The following RAPGEF5 variants were observed in gnomAD, a reference collection of about 807,000 sequenced individuals.
RAPGEF5 encodes M-Ras-regulated GEF.
A neutral mutation model predicts 125.2 loss-of-function variants in RAPGEF5; 65 were observed. That is an observed-to-expected ratio of 0.52 (90% CI 0.43 to 0.64). RAPGEF5 has a LOEUF of 0.64. Among genes scored for constraint, RAPGEF5 ranks in the 30% least tolerant of loss-of-function variants. The pLI is 0.00. For synonymous variants in RAPGEF5, 391 were observed against 385.9 expected (o/e 1.01, Z -0.16); for missense variants, 958 against 1,048.1 (o/e 0.91, Z 1.19).
intron 11 of RAPGEF5, among the ~76,000 whole-genome samples, chr7:22,172,280 G>C (rs918972893): frequency 1.3e-5 from 2 of 151,880 alleles, no homozygotes; most frequent in Non-Finnish European, 2.9e-5. Flanking sequence ...ACACCACCAT[G>C]CCCGGCTAAT....
chr7:22,192,585 C>G (rs1301502456), intron 11 of RAPGEF5: 1 of 152,204 alleles, frequency 6.6e-6, no homozygotes, highest in East Asian at 1.9e-4. Context: ...AGGCTACAGT[C>G]AGAGGCCTAT....
chr7:22,286,131 G>A (rs902802015), intron 6 of RAPGEF5, among the ~76,000 whole-genome samples: 2 of 152,126 alleles, frequency 1.3e-5, no homozygotes, highest in African/African-American at 4.8e-5. Flanking sequence ...TGGATAACGC[G>A]TCTGACTACG....
chr7:22,351,721 T>C (rs1221036506), intron 1 of RAPGEF5, among the ~76,000 whole-genome samples: 2 of 152,230 alleles, frequency 1.3e-5, no homozygotes, highest in African/African-American at 2.4e-5. Flanking sequence ...ATAAATGACA[T>C]GCTTTGCCTG....
intron 9 of RAPGEF5, among the ~76,000 whole-genome samples, chr7:22,199,532 A>AG (rs1491447062): frequency 3.4e-4 from 1 of 2,942 alleles, no homozygotes. Context: ...CTTAAAATTG[A>AG]AAAAAAAAAA....
At chr7:22,317,908 A>T (rs1200590909) in intron 2 of RAPGEF5, 79 bp downstream of exon 2, 1 of 1,530,618 alleles carries the variant, frequency 6.5e-7, no homozygotes, top group Admixed American at 2.1e-5. Context: ...CAAAGGGAAC[A>T]ACTGTAACTT....
At chr7:22,225,330 A>G (rs1241567901) in intron 8 of RAPGEF5, among the ~76,000 whole-genome samples, 1 of 152,194 alleles carries the variant, frequency 6.6e-6, no homozygotes, top group African/African-American at 2.4e-5. Flanking sequence ...TTAATTCTCC[A>G]TCTTATAATT....
chr7:22,215,077 A>C (rs1482821631), intron 9 of RAPGEF5, among the ~76,000 whole-genome samples: 1 of 152,180 alleles, frequency 6.6e-6, no homozygotes, highest in African/African-American at 2.4e-5. Context: ...GCAGGCAAAC[A>C]AATGCTGAGT....
At chr7:22,271,635 T>A (rs1490801506) in intron 6 of RAPGEF5, among the ~76,000 whole-genome samples, 2 of 152,218 alleles carry the variant, frequency 1.3e-5, no homozygotes, top group African/African-American at 2.4e-5. Flanking sequence ...ACAGTTATAT[T>A]TGGCCTTGTA....
chr7:22,230,517 C>T lies in RAPGEF5; in HGVS notation c.870+329G>A, dbSNP rs1287160393. On this transcript the variant is annotated intron_variant, in intron 8 of 25. Coordinates refer to ENST00000665637, the MANE Select transcript of RAPGEF5 (RefSeq NM_012294.5). ...TTAGCTACTGGGAGGTAGCACAGAACCTCTAGCAAGTTGGTGCTGTCAGCT... is the reference window on the plus strand; with the variant it reads ...TTAGCTACTGGGAGGTAGCACAGAATCTCTAGCAAGTTGGTGCTGTCAGCT... Among the ~76,000 whole-genome samples, 3 of 152,174 alleles carry T rather than the reference C, an allele frequency of 2.0e-5. No homozygotes were observed. In the East Asian group the frequency reaches 5.8e-4, roughly 29 times the overall value.
At chr7:22,211,941 C>CTTGTGTTA (rs1426171488) in intron 9 of RAPGEF5, among the ~76,000 whole-genome samples, 1 of 148,464 alleles carries the variant, frequency 6.7e-6, no homozygotes, top group African/African-American at 2.5e-5. Context: ...CATCAGGCCC[C>CTTGTGTTA]TTGTGTTATC....
chr7:22,155,466 A>G (rs1482707402), intron 16 of RAPGEF5, among the ~76,000 whole-genome samples: 1 of 152,252 alleles, frequency 6.6e-6, no homozygotes, highest in African/African-American at 2.4e-5. Context: ...ATACTTAGAT[A>G]TTCTACTCTT....
chr7:22,208,776 G>T (rs1785449324), intron 9 of RAPGEF5, among the ~76,000 whole-genome samples: 1 of 152,158 alleles, frequency 6.6e-6, no homozygotes, highest in African/African-American at 2.4e-5. Flanking sequence ...CTTGGGTTTG[G>T]ACCAAAATGA....
chr7:22,260,102 A>T (rs183874560), intron 7 of RAPGEF5, among the ~76,000 whole-genome samples: 201 of 152,306 alleles, frequency 1.3e-3, no homozygotes, highest in African/African-American at 4.5e-3. Flanking sequence ...AAAAAAAAAA[A>T]ATTAATGGTT....
intron 5 of RAPGEF5, among the ~76,000 whole-genome samples, chr7:22,300,579 C>A (rs1783173642): frequency 6.6e-6 from 1 of 152,168 alleles, no homozygotes; most frequent in South Asian, 2.1e-4. Flanking sequence ...TTTTCAATGC[C>A]TTTTCTATGG....
At chr7:22,289,871 T>C (rs1005494374) in intron 6 of RAPGEF5, among the ~76,000 whole-genome samples, 2 of 152,124 alleles carry the variant, frequency 1.3e-5, no homozygotes, top group Non-Finnish European at 2.9e-5. Flanking sequence ...TGTGTGACAC[T>C]TCCTCCTACC....
chr7:22,172,917 G>T lies in RAPGEF5; in HGVS notation c.1205-5769C>A, dbSNP rs1403446171. ...GAATTACCAAGAAAGCAAATTAAAA[G>T]AATTTTGACAGGCAACTGCCTATAG... On this transcript the variant is annotated intron_variant, in intron 11 of 25. Transcript: ENST00000665637. Among the ~76,000 whole-genome samples, 3 of 152,128 alleles carry T rather than the reference G, an allele frequency of 2.0e-5. No individual in the cohort carries two copies. The East Asian group carries it at 5.8e-4, about 29-fold the overall frequency.
chr7:22,261,528 C>T lies in RAPGEF5; in HGVS notation c.796+5436G>A, dbSNP rs143461951. Among the ~76,000 whole-genome samples the T allele has an allele frequency of 7.8e-4, 119 of 152,254 alleles. 2 individuals carry two copies. The East Asian group carries it at 0.022, about 28-fold the overall frequency. The stretch of plus-strand genomic sequence containing the variant: ...TCAGGAAGCTGAAGTAGGAAGACTG[C>T]TTGAGCCTGGGAGGTCAAAGCTGCA... On this transcript the variant is annotated intron_variant, in intron 7 of 25. Coordinates refer to ENST00000665637, the MANE Select transcript of RAPGEF5 (RefSeq NM_012294.5).
At chr7:22,262,763 A>G (rs970674044) in intron 7 of RAPGEF5, among the ~76,000 whole-genome samples, 11 of 152,150 alleles carry the variant, frequency 7.2e-5, no homozygotes, top group African/African-American at 2.4e-4. Context: ...AAAAGAAAGC[A>G]CTCAGCCTGA....
In RAPGEF5 at chr7:22,161,333, T is replaced by C. The variant is rs1048343661; in HGVS notation, c.1429-718A>G. 2.6e-5 allele frequency among the ~76,000 whole-genome samples: 4 copies of C among 152,130 alleles called. No individual in the cohort carries two copies. In the East Asian group the frequency reaches 7.7e-4, roughly 29 times the overall value. ...AGTAGGGAGAACTGCTTGAGCTGAG[T>C]ACGAGACCAGCCTGGGCAACAAAGC... On this transcript the variant is annotated intron_variant, in intron 13 of 25. Transcript: ENST00000665637.
Sources: gnomAD v4.1 joint callset for allele counts (sites outside exome capture counted in the v4.1 genomes callset) on GRCh38, gnomAD v4.1.1 for gene constraint, MANE v1.5 for transcripts, NCBI Gene and HGNC (gene_info 2026-07-23, HGNC 2026-07-21) for gene names.